The following ATP6V1B1 variants were observed in gnomAD, a reference collection of about 807,000 sequenced individuals.
ATP6V1B1 encodes the protein ATPase H+ transporting V1 subunit B1, also known as V-type proton ATPase subunit B, kidney isoform.
A neutral mutation model predicts 62.1 loss-of-function variants in ATP6V1B1; 41 were observed. The ratio of observed to expected loss-of-function variants is 0.66; its 90% CI spans 0.51 to 0.86. ATP6V1B1 has a LOEUF of 0.86. Among genes scored for constraint, ATP6V1B1 ranks in the 40% least tolerant of loss-of-function variants. The pLI is 0.00. For missense variants in ATP6V1B1, 651 were observed against 697.5 expected (o/e 0.93, Z 0.75); for synonymous variants, 253 against 273.4 (o/e 0.93, Z 0.74).
At chr2:70,942,344 G>C (rs1680025547) in intron 1 of ATP6V1B1, 2 of 398,676 alleles carry the variant, frequency 5.0e-6, no homozygotes, top group East Asian at 7.1e-5. Context: ...TCAAGGCCCG[G>C]AGTTTTCCAA....
At chr2:70,948,652 C>T (rs1553417794) in intron 2 of ATP6V1B1, 1 of 152,234 alleles carries the variant, frequency 6.6e-6, no homozygotes, top group Non-Finnish European at 1.5e-5. Context: ...ACCCAAGACG[C>T]CTGGGTGTTC....
At chr2:70,941,380 G>A (rs906806170) in intron 1 of ATP6V1B1, 20 of 985,460 alleles carry the variant, frequency 2.0e-5, no homozygotes, top group African/African-American at 3.5e-5. Context: ...TCTGTTCCAC[G>A]AAGGCCCTGG....
At chr2:70,943,762 G>T (rs113985534) in intron 2 of ATP6V1B1, 49 bp downstream of exon 2, 16 of 1,604,640 alleles carry the variant, frequency 1.0e-5, no homozygotes, top group Non-Finnish European at 1.4e-5. Context: ...ATCCCAGGGC[G>T]CCTCTCCCCT....
chr2:70,957,793 C>A, intron 2 of ATP6V1B1: 1 of 521,788 alleles, frequency 1.9e-6, no homozygotes. Context: ...CGTAAAGTAA[C>A]TTCCACAAGG....
At chr2:70,942,093 A>G in intron 1 of ATP6V1B1, 1 of 1,080,594 alleles carries the variant, frequency 9.3e-7, no homozygotes, top group Non-Finnish European at 1.2e-6. Flanking sequence ...AGACAGAGAG[A>G]GAGGCAAGGA....
intron 2 of ATP6V1B1, among the ~76,000 whole-genome samples, chr2:70,952,991 T>C (rs59512457): frequency 0.063 from 9,626 of 152,268 alleles, 905 homozygotes; most frequent in African/African-American, 0.2. Context: ...TGTTTTTTGT[T>C]GAGACAGGGT....
intron 2 of ATP6V1B1, among the ~76,000 whole-genome samples, chr2:70,944,439 C>T (rs1338257568): frequency 1.3e-5 from 2 of 151,862 alleles, no homozygotes; most frequent in Non-Finnish European, 2.9e-5. Context: ...CCTAGCTGAG[C>T]AAACTGGAAG....
In ATP6V1B1 at chr2:70,964,841, T is replaced by C. The variant is rs782744378; in HGVS notation, c.1354T>C (p.Phe452Leu). 2.5e-6 allele frequency: 4 copies of C among 1,614,016 alleles called. No homozygotes were observed. Among genetic ancestry groups the C allele is most frequent in the Admixed American group, 1.7e-5 (1 of 60,028 alleles). The change falls in exon 13 of 14, where the codon TTT (phenylalanine) becomes CTT (leucine). Residue 452 changes from phenylalanine to leucine, a missense_variant. Phe to Leu is a conservative substitution (Grantham distance 22, BLOSUM62 0). Coordinates refer to ENST00000234396, the MANE Select transcript of ATP6V1B1 (RefSeq NM_001692.4). ...GCTCTACCTGGAATTCCTGCAGAAG[T>C]TTGAGAAGAACTTCATCAATCAGGG... Reference protein sequence around the residue: ...DLLYLEFLQKFEKNFINQGPY... With the variant: ...DLLYLEFLQKLEKNFINQGPY...
chr2:70,955,435 T>C (rs191332426), intron 2 of ATP6V1B1, among the ~76,000 whole-genome samples: 4 of 152,310 alleles, frequency 2.6e-5, no homozygotes, highest in East Asian at 1.9e-4. Flanking sequence ...TTCCAAAACA[T>C]TGTCATCACC....
rs570262773 is a variant in ATP6V1B1 at position 70,960,197 on chromosome 2, G to A, written c.585+119G>A. ...GGCAGGGGCTGGCAGGGCTGGGGTC[G>A]CCAGCATCGAGACTGGCAGCTGTCC... On this transcript the variant is annotated intron_variant, in intron 6 of 13. Coordinates refer to ENST00000234396, the MANE Select transcript of ATP6V1B1 (RefSeq NM_001692.4). The A allele has an allele frequency of 1.2e-4, 178 of 1,458,678 alleles. No individual in the cohort carries two copies. In the African/African-American group the frequency reaches 1.5e-3, roughly 12 times the overall value. The allele number at this position is 1,458,678 out of a possible 1,614,324, so 90.4% of individuals were successfully genotyped here.
intron 1 of ATP6V1B1, among the ~76,000 whole-genome samples, chr2:70,938,341 G>A (rs562928571): frequency 4.0e-4 from 61 of 152,244 alleles, no homozygotes; most frequent in Admixed American, 3.5e-3. Context: ...CCCTCAGTAC[G>A]CCAGAGGCAG....
At chr2:70,953,405 T>A (rs1680364189) in intron 2 of ATP6V1B1, among the ~76,000 whole-genome samples, 1 of 152,230 alleles carries the variant, frequency 6.6e-6, no homozygotes, top group African/African-American at 2.4e-5. Context: ...AAAATGTTTT[T>A]AGGTGTTCAT....
chr2:70,962,077 A>G (rs1389513626), intron 8 of ATP6V1B1, among the ~76,000 whole-genome samples: 1 of 152,124 alleles, frequency 6.6e-6, no homozygotes, highest in Non-Finnish European at 1.5e-5. Context: ...AACAATTCTA[A>G]TAAACTATCC....
At chr2:70,945,065 G>C (rs1457521908) in intron 2 of ATP6V1B1, among the ~76,000 whole-genome samples, 1 of 152,162 alleles carries the variant, frequency 6.6e-6, no homozygotes, top group African/African-American at 2.4e-5. Context: ...AATAGTGTCT[G>C]CATGGGGCTG....
Position 70,964,440 on chromosome 2 carries a change from C to A in ATP6V1B1, c.1146C>A (p.Ile382=), listed in dbSNP as rs781862317. Reference sequence around the variant, plus strand: ...ACTCCCTTTTTCTTCTCCCTCAGATCTACCCCCCCATCAACGTGCTCCCTT... The same window carrying A: ...ACTCCCTTTTTCTTCTCCCTCAGATATACCCCCCCATCAACGTGCTCCCTT... ...YVDRQLHNRQ[I]YPPINVLPSL... is the part of the protein sequence containing the mutation. Residue 382 remains isoleucine, a splice_region_variant and synonymous_variant, in exon 12 of 14, where the codon ATC becomes ATA. Transcript: ENST00000234396. 1 of 1,613,950 alleles carries A rather than the reference C, an allele frequency of 6.2e-7. No homozygotes were observed. Among genetic ancestry groups the A allele is most frequent in the Non-Finnish European group, 8.5e-7 (1 of 1,180,000 alleles).
Position 70,964,864 on chromosome 2 carries a change from G to C in ATP6V1B1, c.1377G>C (p.Gln459His), listed in dbSNP as rs1553420788. The C allele has an allele frequency of 6.2e-7, 1 of 1,614,082 alleles. No individual in the cohort carries two copies. The highest frequency in any genetic ancestry group is 1.1e-5 in the South Asian group (1 of 91,084). The change falls in exon 13 of 14, where the codon CAG (glutamine) becomes CAC (histidine). Residue 459 changes from glutamine (Q) to histidine (H), a missense_variant and splice_region_variant. By Grantham distance (24) the Gln-to-His change is conservative. Coordinates refer to ENST00000234396, the MANE Select transcript of ATP6V1B1 (RefSeq NM_001692.4). Reference sequence around the variant, plus strand: ...AGTTTGAGAAGAACTTCATCAATCAGGGTAAGGCGCGTCGCTGGTGTGGAG... The same window carrying C: ...AGTTTGAGAAGAACTTCATCAATCACGGTAAGGCGCGTCGCTGGTGTGGAG... ...LQKFEKNFIN[Q>H]GPYENRSVFE...
intron 6 of ATP6V1B1, 138 bp from the exon 7 acceptor site, chr2:70,960,783 A>G: frequency 3.8e-6 from 1 of 264,576 alleles, no homozygotes. Flanking sequence ...CACCCCAAGA[A>G]AGACTAGCAC....
chr2:70,939,044 G>T (rs1275150305), intron 1 of ATP6V1B1, among the ~76,000 whole-genome samples: 1 of 152,266 alleles, frequency 6.6e-6, no homozygotes, highest in African/African-American at 2.4e-5. Context: ...AATCCCTCCA[G>T]CGGGATCAGG....
chr2:70,960,897 C>T (rs1553419921), intron 6 of ATP6V1B1, 24 bp from the exon 7 acceptor site: 2 of 1,593,136 alleles, frequency 1.3e-6, no homozygotes, highest in Admixed American at 1.7e-5. Flanking sequence ...CTGACGTCCT[C>T]CTGCCCAATC....
Sources: gnomAD v4.1 joint callset for allele counts (sites outside exome capture counted in the v4.1 genomes callset) on GRCh38, gnomAD v4.1.1 for gene constraint, MANE v1.5 for transcripts, NCBI Gene and HGNC (gene_info 2026-07-23, HGNC 2026-07-21) for gene names.